Variants in CNTNAP2 observed in about 807,000 individuals in gnomAD.
CNTNAP2 encodes the protein contactin-associated protein-like 2.
Under a neutral mutation model 155.2 loss-of-function variants are expected in CNTNAP2, and 98 were observed. That is an observed-to-expected ratio of 0.63 (90% CI 0.54 to 0.75). The LOEUF is 0.75. CNTNAP2 is among the 30% of genes least tolerant of loss of function. CNTNAP2 has a pLI of 0.00. For missense variants in CNTNAP2, 1,727 were observed against 1,688.1 expected (o/e 1.02, Z -0.40); for synonymous variants, 651 against 631.2 (o/e 1.03, Z -0.47).
intron 3 of CNTNAP2, among the ~76,000 whole-genome samples, chr7:146,944,052 C>T (rs936130925): frequency 3.3e-5 from 5 of 151,568 alleles, no homozygotes; most frequent in African/African-American, 9.7e-5. Context: ...ATATGGTCTG[C>T]GTTTCTGTGT....
intron 13 of CNTNAP2, among the ~76,000 whole-genome samples, chr7:147,811,511 C>T (rs965923390): frequency 2.0e-5 from 3 of 152,048 alleles, no homozygotes; most frequent in Non-Finnish European, 2.9e-5. Flanking sequence ...ATAATATTAC[C>T]GATGTTTGGC....
chr7:146,606,319 C>G (rs1799046275), intron 1 of CNTNAP2, among the ~76,000 whole-genome samples: 2 of 152,094 alleles, frequency 1.3e-5, no homozygotes, highest in Admixed American at 6.6e-5. Context: ...GAATATAATA[C>G]AAGTATTACA....
chr7:147,058,965 T>G (rs375242301), intron 4 of CNTNAP2, among the ~76,000 whole-genome samples: 120 of 152,342 alleles, frequency 7.9e-4, no homozygotes, highest in African/African-American at 2.6e-3. Flanking sequence ...TGTGTTTTTT[T>G]GCACTTTTAA....
At chr7:147,832,387 T>G (rs1019026542) in intron 13 of CNTNAP2, among the ~76,000 whole-genome samples, 1 of 146,660 alleles carries the variant, frequency 6.8e-6, no homozygotes, top group Non-Finnish European at 1.5e-5. Flanking sequence ...TTATACAGAA[T>G]TATATATAAT....
chr7:146,949,043 A>G (rs1359962519), intron 3 of CNTNAP2, among the ~76,000 whole-genome samples: 1 of 152,192 alleles, frequency 6.6e-6, no homozygotes, highest in East Asian at 1.9e-4. Flanking sequence ...AATACCTGCT[A>G]TGAGAAGACA....
intron 1 of CNTNAP2, among the ~76,000 whole-genome samples, chr7:146,336,198 TAA>T (rs549458592): frequency 2.1e-4 from 26 of 121,516 alleles, no homozygotes; most frequent in Non-Finnish European, 1.9e-4. Flanking sequence ...AAACTCCGTC[TAA>T]AAAAAAAAAA....
intron 2 of CNTNAP2, among the ~76,000 whole-genome samples, chr7:146,826,586 G>C (rs776255675): frequency 6.6e-6 from 1 of 151,948 alleles, no homozygotes; most frequent in Non-Finnish European, 1.5e-5. Flanking sequence ...CTGATGTGTG[G>C]AGAAGTGATT....
chr7:148,334,155 A>C (rs377492808), intron 21 of CNTNAP2, among the ~76,000 whole-genome samples: 49 of 152,316 alleles, frequency 3.2e-4, no homozygotes, highest in African/African-American at 1.2e-3. Context: ...ACGTTCTTTT[A>C]TCAGAGAGTC....
chr7:147,193,597 T>C (rs1420928721), intron 8 of CNTNAP2, among the ~76,000 whole-genome samples: 1 of 152,134 alleles, frequency 6.6e-6, no homozygotes, highest in African/African-American at 2.4e-5. Flanking sequence ...ATGGAGACTA[T>C]ATGAGGTACA....
chr7:147,346,461 G>C (rs749539215), intron 9 of CNTNAP2, among the ~76,000 whole-genome samples: 6 of 152,134 alleles, frequency 3.9e-5, no homozygotes, highest in Non-Finnish European at 8.8e-5. Context: ...GCCCATAATC[G>C]AAGATTTTAA....
At chr7:147,877,906 G>C (rs190139257) in intron 13 of CNTNAP2, among the ~76,000 whole-genome samples, 3 of 152,110 alleles carry the variant, frequency 2.0e-5, no homozygotes, top group Non-Finnish European at 2.9e-5. Context: ...CTGGCTGCTC[G>C]AATATTACCA....
At chr7:146,674,698 A>G (rs1318107948) in intron 1 of CNTNAP2, among the ~76,000 whole-genome samples, 2 of 152,112 alleles carry the variant, frequency 1.3e-5, no homozygotes, top group Admixed American at 6.5e-5. Context: ...CCTGTATCCC[A>G]TTTTAACAAA....
chr7:148,083,163 G>T (rs1168707845), intron 15 of CNTNAP2, among the ~76,000 whole-genome samples: 1 of 152,192 alleles, frequency 6.6e-6, no homozygotes, highest in Non-Finnish European at 1.5e-5. Flanking sequence ...TTATCCCATT[G>T]CTTTGTTGTG....
chr7:147,911,720 G>C (rs1375137320), intron 14 of CNTNAP2, among the ~76,000 whole-genome samples: 1 of 152,152 alleles, frequency 6.6e-6, no homozygotes, highest in Non-Finnish European at 1.5e-5. Flanking sequence ...TCTTTTTGCA[G>C]TTGGCATATT....
chr7:146,944,460 T>C (rs1797117225), intron 3 of CNTNAP2, among the ~76,000 whole-genome samples: 1 of 152,084 alleles, frequency 6.6e-6, no homozygotes, highest in South Asian at 2.1e-4. Flanking sequence ...GTTATAAATA[T>C]GATAATAAAT....
chr7:148,418,420 AAATAATATGTATAGAC>A lies in CNTNAP2; in HGVS notation c.*2807_*2822del, dbSNP rs1800041118. ...CAAGTATGCTGGTAGTAGCCTCTTT[AAATAATATGTATAGAC>A]AACAACAACGACAAAAAATAGACTG... On this transcript the variant is annotated 3_prime_UTR_variant, in exon 24 of 24. Coordinates refer to ENST00000361727, the MANE Select transcript of CNTNAP2 (RefSeq NM_014141.6). 6.6e-6 allele frequency: 1 copy of A among 152,236 alleles called. No individual in the cohort carries two copies. Among genetic ancestry groups the A allele is most frequent in the African/African-American group, 2.4e-5 (1 of 41,464 alleles). The allele number at this position is 152,236 out of a possible 1,614,324, so 9.4% of individuals were successfully genotyped here.
At chr7:147,367,576 G>C (rs147078758) in intron 9 of CNTNAP2, among the ~76,000 whole-genome samples, 1 of 152,242 alleles carries the variant, frequency 6.6e-6, no homozygotes, top group East Asian at 1.9e-4. Context: ...CAGGAAGAAA[G>C]ATTGTCCCAT....
intron 1 of CNTNAP2, among the ~76,000 whole-genome samples, chr7:146,608,674 A>G (rs1799086078): frequency 6.6e-6 from 1 of 151,992 alleles, no homozygotes; most frequent in African/African-American, 2.4e-5. Flanking sequence ...TCCACTACTT[A>G]TTTTCATTTG....
At chr7:146,638,006 C>CT (rs2129160345) in intron 1 of CNTNAP2, among the ~76,000 whole-genome samples, 1 of 152,268 alleles carries the variant, frequency 6.6e-6, no homozygotes, top group East Asian at 1.9e-4. Flanking sequence ...GACCTTGTAT[C>CT]TAGTCATATG....
Sources: gnomAD v4.1 joint callset for allele counts (sites outside exome capture counted in the v4.1 genomes callset) on GRCh38, gnomAD v4.1.1 for gene constraint, MANE v1.5 for transcripts, NCBI Gene and HGNC (gene_info 2026-07-23, HGNC 2026-07-21) for gene names.